PPP1R9A: variants seen among roughly 807,000 people sequenced by gnomAD.
PPP1R9A encodes the protein protein phosphatase 1 regulatory subunit 9A.
Under a neutral mutation model 141.9 loss-of-function variants are expected in PPP1R9A, and 59 were observed. That is an observed-to-expected ratio of 0.42 (90% CI 0.34 to 0.52). The LOEUF is 0.52. Ranked by LOEUF, PPP1R9A falls within the 20% of genes least tolerant of loss-of-function variation. The probability of loss-of-function intolerance (pLI) is 0.10; values close to 1 mark genes in which losing one functional copy is unlikely to be tolerated. For missense variants in PPP1R9A, 1,444 were observed against 1,611.9 expected (o/e 0.90, Z 1.78); for synonymous variants, 500 against 569.7 (o/e 0.88, Z 1.74).
At chr7:95,234,216 C>A (rs1796368295) in intron 8 of PPP1R9A, among the ~76,000 whole-genome samples, 1 of 152,078 alleles carries the variant, frequency 6.6e-6, no homozygotes, top group South Asian at 2.1e-4. Context: ...GCATCCAAAT[C>A]AGTAAAGAGG....
intron 2 of PPP1R9A, among the ~76,000 whole-genome samples, chr7:94,962,850 C>G (rs1356793442): frequency 6.6e-6 from 1 of 152,032 alleles, no homozygotes; most frequent in East Asian, 1.9e-4. Context: ...TAACACAGCT[C>G]CCTTTGAATT....
intron 14 of PPP1R9A, 21 bp downstream of exon 14, chr7:95,269,528 T>C: frequency 6.5e-7 from 1 of 1,528,480 alleles, no homozygotes; most frequent in East Asian, 2.2e-5. Flanking sequence ...TTTCTTTTTC[T>C]GACTTCATAA....
rs1177008710 is a variant in PPP1R9A, at chr7:95,036,254, G to T, written c.1396-75005G>T. 5 of 152,126 alleles carry T rather than the reference G, an allele frequency of 3.3e-5. No individual in the cohort carries two copies. The East Asian group carries it at 9.6e-4, about 29-fold the overall frequency. 9.4% of individuals were successfully genotyped at this position (152,126 alleles called of 1,614,324 possible). A position where few individuals can be genotyped will look rare whatever the true frequency, so the allele number is the denominator to read the frequency against. On this transcript the variant is annotated intron_variant, in intron 2 of 19. Transcript: ENST00000433360. ...ATTAATGTATCACACATAAAAAGGGGATTTTCATGAAACTTTAGTATTAGT... is the reference window on the plus strand; with the variant it reads ...ATTAATGTATCACACATAAAAAGGGTATTTTCATGAAACTTTAGTATTAGT...
At position 95,289,463 on chromosome 7, in the gene PPP1R9A, T is replaced by C. The variant is rs557563747; in HGVS notation, c.3913-628T>C. ...GTTGGGGAGATAGATAGATGCATCCTGCTGTTGATTCTGAAGGTCACGAAA... is the reference window on the plus strand; with the variant it reads ...GTTGGGGAGATAGATAGATGCATCCCGCTGTTGATTCTGAAGGTCACGAAA... On this transcript the variant is annotated intron_variant, in intron 19 of 19. Transcript: ENST00000433360. 3.5e-4 allele frequency among the ~76,000 whole-genome samples: 54 copies of C among 152,374 alleles called. 1 individual carries two copies. The East Asian group carries it at 6.0e-3, about 17-fold the overall frequency.
intron 2 of PPP1R9A, among the ~76,000 whole-genome samples, chr7:95,089,514 T>A (rs1264464857): frequency 2.6e-5 from 4 of 152,046 alleles, no homozygotes; most frequent in Non-Finnish European, 4.4e-5. Context: ...GCAAATACGT[T>A]TCTTTTGTCC....
intron 2 of PPP1R9A, among the ~76,000 whole-genome samples, chr7:94,926,366 A>G (rs1248568763): frequency 6.6e-6 from 1 of 152,206 alleles, no homozygotes; most frequent in Non-Finnish European, 1.5e-5. Context: ...AGATATAACT[A>G]TGGAAGCTGA....
chr7:95,010,585 C>T (rs1489102406), intron 2 of PPP1R9A, among the ~76,000 whole-genome samples: 3 of 152,046 alleles, frequency 2.0e-5, no homozygotes, highest in African/African-American at 7.2e-5. Context: ...TGAATTTAGT[C>T]GAAGTCTGTG....
At chr7:95,232,899 G>GAATGCTTTT (rs1446482939) in intron 8 of PPP1R9A, among the ~76,000 whole-genome samples, 4 of 152,156 alleles carry the variant, frequency 2.6e-5, no homozygotes, top group Non-Finnish European at 5.9e-5. Flanking sequence ...GGAGAAATAG[G>GAATGCTTTT]AATGCTTTTA....
At position 95,096,929 on chromosome 7, in the gene PPP1R9A, T is replaced by C. The variant is rs1818108152; in HGVS notation, c.1396-14330T>C. Among the ~76,000 whole-genome samples, 2 of 152,210 alleles carry C rather than the reference T, an allele frequency of 1.3e-5. 1 individual carries two copies. The highest frequency in any genetic ancestry group is 4.1e-4 in the South Asian group (2 of 4,832). ...GGAAATCCTTTCTTGCTCACCTCTC[T>C]TCCCAGGTAGGTTTAGATGTCTCTA... is the stretch of plus-strand genomic sequence containing the variant. On this transcript the variant is annotated intron_variant, in intron 2 of 19. Transcript: ENST00000433360.
In PPP1R9A at chr7:95,293,656, T is replaced by C. The variant is rs1288427841; in HGVS notation, c.*3353T>C. The C allele has an allele frequency of 1.3e-5, 2 of 152,212 alleles. No individual in the cohort carries two copies. The highest frequency in any genetic ancestry group is 6.5e-5 in the Admixed American group (1 of 15,284). 9.4% of individuals were successfully genotyped at this position (152,212 alleles called of 1,614,324 possible). On this transcript the variant is annotated 3_prime_UTR_variant, in exon 20 of 20. Coordinates refer to ENST00000433360, the MANE Select transcript of PPP1R9A (RefSeq NM_001166160.2). ...CTATCTGTGACCCTGTAATCATCACTAGCCTGAAATCTTAAAATATCCCAG... is the reference window on the plus strand; with the variant it reads ...CTATCTGTGACCCTGTAATCATCACCAGCCTGAAATCTTAAAATATCCCAG...
intron 2 of PPP1R9A, among the ~76,000 whole-genome samples, chr7:95,013,722 C>T (rs1258084112): frequency 6.6e-6 from 1 of 151,966 alleles, no homozygotes; most frequent in Non-Finnish European, 1.5e-5. Context: ...GGTTTGCTAC[C>T]AGTGCAAAAA....
At chr7:95,146,650 A>G (rs1472767007) in intron 4 of PPP1R9A, among the ~76,000 whole-genome samples, 1 of 152,134 alleles carries the variant, frequency 6.6e-6, no homozygotes, top group East Asian at 1.9e-4. Flanking sequence ...TAAATCTTTA[A>G]TCCATCTTGA....
rs758470260 is a variant in PPP1R9A, at chr7:94,910,544, A to C, written c.431A>C (p.Lys144Thr). The change falls in exon 2 of 20, where the codon AAG becomes ACG. Residue 144 changes from lysine to threonine, a missense_variant. Lys to Thr is a moderately conservative substitution (Grantham distance 78). This residue lies in a region of PPP1R9A where 490 missense variants were observed against 521.1 expected (regional missense o/e 0.94). Coordinates refer to ENST00000433360, the MANE Select transcript of PPP1R9A (RefSeq NM_001166160.2). This position sits in a 1 kb window ranked among gnomAD's most constrained non-coding sequence, Gnocchi z 4.5. ...PSYSKFTETR[K>T]MFERSVHESG... ...TATTCCAAGTTCACTGAGACTCGAA[A>C]GATGTTTGAGAGAAGTGTGCATGAA... 6 of 1,614,178 alleles carry C rather than the reference A, an allele frequency of 3.7e-6. No homozygotes were observed. Among genetic ancestry groups the C allele is most frequent in the East Asian group, 4.5e-5 (2 of 44,878 alleles).
chr7:95,123,817 G>A (rs1011508332), intron 4 of PPP1R9A, among the ~76,000 whole-genome samples: 3 of 152,116 alleles, frequency 2.0e-5, no homozygotes, highest in Non-Finnish European at 4.4e-5. Context: ...CATTAACTAA[G>A]TTTGTGTGAA....
At chr7:95,140,117 A>G (rs1301425815) in intron 4 of PPP1R9A, among the ~76,000 whole-genome samples, 1 of 152,226 alleles carries the variant, frequency 6.6e-6, no homozygotes, top group East Asian at 1.9e-4. Context: ...AAATGAAAGT[A>G]GAAGTAGGTG....
At chr7:94,930,411 C>A (rs1216189254) in intron 2 of PPP1R9A, among the ~76,000 whole-genome samples, 1 of 152,170 alleles carries the variant, frequency 6.6e-6, no homozygotes, top group African/African-American at 2.4e-5. Flanking sequence ...AATCTGAGCT[C>A]ACTGCAACCT....
At chr7:95,268,831 A>G (rs1395120793) in intron 13 of PPP1R9A, 124 bp downstream of exon 13, 2 of 1,144,656 alleles carry the variant, frequency 1.7e-6, no homozygotes, top group Admixed American at 3.0e-5. Context: ...CAGCTAGAAT[A>G]GTTCACGTCT....
rs1399242477 is a variant in PPP1R9A, at chr7:95,274,158, G to A, written c.3286G>A (p.Ala1096Thr). 3 of 1,562,516 alleles carry A rather than the reference G, an allele frequency of 1.9e-6. No homozygotes were observed. In the East Asian group the frequency reaches 6.8e-5, roughly 36 times the overall value. ...EKEKEASRFS[A>T]GSRIFRGRLE... Reference sequence around the variant, plus strand: ...AGAAAAAGAAGCCAGTAGGTTTTCTGCAGGTAGCAGGTACGGTTGTGTGAT... The same window carrying A: ...AGAAAAAGAAGCCAGTAGGTTTTCTACAGGTAGCAGGTACGGTTGTGTGAT... The change falls in exon 16 of 20, where the codon GCA becomes ACA. Residue 1096 changes from alanine (A) to threonine (T), a missense_variant. This residue lies in a region of PPP1R9A where 459 missense variants were observed against 513.8 expected (regional missense o/e 0.89). Transcript: ENST00000433360.
At chr7:95,028,791 A>G (rs886821035) in intron 2 of PPP1R9A, among the ~76,000 whole-genome samples, 3 of 152,200 alleles carry the variant, frequency 2.0e-5, no homozygotes, top group African/African-American at 7.2e-5. Flanking sequence ...GAAATTAAAC[A>G]CCTACAGAAG....
Sources: allele counts gnomAD v4.1 joint callset (sites outside exome capture counted in the v4.1 genomes callset), GRCh38; gene constraint gnomAD v4.1.1; regional missense constraint gnomAD v4.1.1; non-coding constraint Gnocchi (gnomAD v3.1); transcripts MANE v1.5; gene names NCBI Gene and HGNC (gene_info 2026-07-23, HGNC 2026-07-21).